GRIA1: variants seen among roughly 807,000 people sequenced by gnomAD.
GRIA1 encodes the protein glutamate receptor 1.
Under a neutral mutation model 99.2 loss-of-function variants are expected in GRIA1, and 31 were observed. That is an observed-to-expected ratio of 0.31 (90% CI 0.23 to 0.42). The LOEUF is 0.42. GRIA1 is among the 10% of genes least tolerant of loss of function. The pLI is 1.00. For missense variants in GRIA1, 782 were observed against 1,157.5 expected (o/e 0.68, Z 4.71); for synonymous variants, 438 against 432.4 (o/e 1.01, Z -0.16).
intron 5 of GRIA1, among the ~76,000 whole-genome samples, chr5:153,665,324 G>T (rs1320672191): frequency 6.6e-6 from 1 of 152,222 alleles, no homozygotes; most frequent in African/African-American, 2.4e-5. Flanking sequence ...TGTGTTTGCA[G>T]ATATCCAAGT....
At chr5:153,507,927 G>C (rs532852227) in intron 2 of GRIA1, among the ~76,000 whole-genome samples, 1 of 152,110 alleles carries the variant, frequency 6.6e-6, no homozygotes, top group Non-Finnish European at 1.5e-5. Flanking sequence ...GTCTTTCACT[G>C]CTTTGGTCAT....
intron 2 of GRIA1, among the ~76,000 whole-genome samples, chr5:153,532,865 A>T (rs1284641882): frequency 6.6e-6 from 1 of 152,210 alleles, no homozygotes; most frequent in African/African-American, 2.4e-5. Flanking sequence ...AAAATAAATA[A>T]ATAAATAAAA....
chr5:153,498,309 A>G (rs1435742810), intron 2 of GRIA1, among the ~76,000 whole-genome samples: 1 of 152,196 alleles, frequency 6.6e-6, no homozygotes, highest in East Asian at 1.9e-4. Flanking sequence ...CCTGATTGAT[A>G]GCACTGCAAT....
intron 2 of GRIA1, among the ~76,000 whole-genome samples, chr5:153,506,924 A>G (rs1236164388): frequency 2.0e-5 from 3 of 152,100 alleles, no homozygotes; most frequent in Admixed American, 2.0e-4. Context: ...GGAGTTCGAG[A>G]TCAGTCGGGC....
At chr5:153,795,562 A>T (rs748098600) in intron 14 of GRIA1, 1 of 1,611,466 alleles carries the variant, frequency 6.2e-7, no homozygotes, top group African/African-American at 1.3e-5. Context: ...GATAAAGGGG[A>T]ATGTGGAAGC....
intron 2 of GRIA1, among the ~76,000 whole-genome samples, chr5:153,597,527 AAAG>A (rs1036290385): frequency 2.6e-5 from 4 of 152,198 alleles, no homozygotes; most frequent in African/African-American, 9.7e-5. Context: ...TCTCATCTAA[AAAG>A]AAGCAATGAG....
intron 11 of GRIA1, among the ~76,000 whole-genome samples, chr5:153,760,671 T>C (rs1186922302): frequency 6.6e-6 from 1 of 151,784 alleles, no homozygotes; most frequent in Non-Finnish European, 1.5e-5. Flanking sequence ...AATAGAAAAA[T>C]AATCCTAAAA....
chr5:153,698,731 A>G, intron 9 of GRIA1, 136 bp from the exon 10 acceptor site: 1 of 652,562 alleles, frequency 1.5e-6, no homozygotes, highest in Non-Finnish European at 2.8e-6. Flanking sequence ...GAGTGAAGAC[A>G]TTTAGGAAGT....
chr5:153,798,000 G>A (rs563100466), intron 14 of GRIA1, among the ~76,000 whole-genome samples: 1 of 152,146 alleles, frequency 6.6e-6, no homozygotes, highest in Non-Finnish European at 1.5e-5. Flanking sequence ...AACTCCTTAG[G>A]TGCCTCAAAT....
intron 1 of GRIA1, chr5:153,492,111 G>C: frequency 7.1e-7 from 1 of 1,418,322 alleles, no homozygotes; most frequent in Middle Eastern, 2.3e-4. Flanking sequence ...CTCCACTAGG[G>C]AAAGTTCGCA....
chr5:153,517,221 T>C (rs2113349462), intron 2 of GRIA1, among the ~76,000 whole-genome samples: 1 of 152,316 alleles, frequency 6.6e-6, no homozygotes, highest in South Asian at 2.1e-4. Flanking sequence ...TCACTCTTTC[T>C]CTGAATATTC....
intron 11 of GRIA1, among the ~76,000 whole-genome samples, chr5:153,746,004 A>AT (rs1762132977): frequency 6.6e-6 from 1 of 151,944 alleles, no homozygotes; most frequent in Non-Finnish European, 1.5e-5. Flanking sequence ...TCTTATCCCC[A>AT]TTTTCTAGGT....
intron 13 of GRIA1, among the ~76,000 whole-genome samples, chr5:153,785,104 T>G (rs758832217): frequency 4.6e-5 from 7 of 152,224 alleles, no homozygotes; most frequent in Middle Eastern, 3.4e-3. Flanking sequence ...GGAATATTGC[T>G]TAGTTCAGGG....
At chr5:153,662,509 T>A (rs1458543391) in intron 5 of GRIA1, among the ~76,000 whole-genome samples, 2 of 152,186 alleles carry the variant, frequency 1.3e-5, no homozygotes, top group Non-Finnish European at 2.9e-5. Context: ...GTGGGGTGTC[T>A]GGGAAGGCTC....
chr5:153,572,813 C>G (rs1196308144), intron 2 of GRIA1, among the ~76,000 whole-genome samples: 2 of 152,192 alleles, frequency 1.3e-5, no homozygotes, highest in East Asian at 3.8e-4. Context: ...TGTGTTCCAG[C>G]AGAGCACATT....
intron 2 of GRIA1, among the ~76,000 whole-genome samples, chr5:153,559,828 CAAA>C (rs896980450): frequency 6.6e-6 from 1 of 151,296 alleles, no homozygotes; most frequent in African/African-American, 2.4e-5. Context: ...TAATTTTATA[CAAA>C]AAAAAATTGC....
intron 2 of GRIA1, among the ~76,000 whole-genome samples, chr5:153,533,603 T>C (rs1054780217): frequency 1.3e-5 from 2 of 152,160 alleles, no homozygotes; most frequent in African/African-American, 4.8e-5. Flanking sequence ...TAAAATGTTG[T>C]GAAAGAAGGT....
chr5:153,794,721 G>T lies in GRIA1; in HGVS notation c.2371G>T (p.Gly791Ter). ...CGACAAGGGCGAGTGCGGCAGCGGG[G>T]GAGGTGATTCCAAGGTCAGCCCCAG... ...WYDKGECGSGGGDSKDKTSAL... is the reference protein window; with the variant it reads ...WYDKGECGSG Residue 791 changes from glycine to a stop codon, truncating the protein, a stop_gained, in exon 14 of 16, where the codon GGA (glycine) becomes TGA (stop). Coordinates refer to ENST00000285900, the MANE Select transcript of GRIA1 (RefSeq NM_000827.4). LOFTEE classifies it high-confidence loss of function. 6.2e-7 allele frequency: 1 copy of T among 1,611,284 alleles called. No homozygotes were observed. Among genetic ancestry groups the T allele is most frequent in the Non-Finnish European group, 8.5e-7 (1 of 1,177,502 alleles).
intron 11 of GRIA1, among the ~76,000 whole-genome samples, chr5:153,758,183 A>T (rs2149599250): frequency 6.6e-6 from 1 of 152,196 alleles, no homozygotes; most frequent in East Asian, 1.9e-4. Flanking sequence ...AACATGTAAC[A>T]AAATGGCAGT....
Sources: allele counts gnomAD v4.1 joint callset (sites outside exome capture counted in the v4.1 genomes callset), GRCh38; gene constraint gnomAD v4.1.1; transcripts MANE v1.5; gene names NCBI Gene and HGNC (gene_info 2026-07-23, HGNC 2026-07-21).